The following ZBTB20 variants were observed in gnomAD, a reference collection of about 807,000 sequenced individuals.
ZBTB20 encodes zinc finger and BTB domain-containing protein 20.
ZBTB20 carries 9 observed loss-of-function variants against 56.9 expected under a neutral mutation model. The ratio of observed to expected loss-of-function variants is 0.16; its 90% confidence interval spans 0.10 to 0.28. The LOEUF (loss-of-function observed/expected upper bound fraction) is 0.28, where lower values mean the gene tolerates loss of function less well. ZBTB20 is among the 10% of genes least tolerant of loss of function. The probability of loss-of-function intolerance (pLI) is 1.00; values close to 1 mark genes in which losing one functional copy is unlikely to be tolerated. For missense variants in ZBTB20, 655 were observed against 1,003.0 expected (o/e 0.65, Z 4.69); for synonymous variants, 417 against 420.7 (o/e 0.99, Z 0.11).
intron 2 of ZBTB20, among the ~76,000 whole-genome samples, chr3:115,064,764 T>C (rs2082145910): frequency 1.3e-5 from 2 of 152,186 alleles, no homozygotes; most frequent in African/African-American, 4.8e-5. Context: ...TCTCTCTGAA[T>C]TTTAAAGCCA....
intron 2 of ZBTB20, among the ~76,000 whole-genome samples, chr3:114,989,228 G>A (rs1051782963): frequency 1.2e-4 from 18 of 152,140 alleles, no homozygotes; most frequent in African/African-American, 3.9e-4. Flanking sequence ...GATTTTTATG[G>A]TTTTAGGTCT....
intron 7 of ZBTB20, among the ~76,000 whole-genome samples, chr3:114,487,183 C>T (rs1286345066): frequency 1.3e-5 from 2 of 152,130 alleles, no homozygotes; most frequent in Non-Finnish European, 2.9e-5. Flanking sequence ...ATATGTGAAG[C>T]TTTCTAGGAG....
chr3:114,812,691 G>A (rs1489152058), intron 4 of ZBTB20, among the ~76,000 whole-genome samples: 5 of 152,212 alleles, frequency 3.3e-5, no homozygotes, highest in Non-Finnish European at 7.4e-5. Context: ...CGTCGCCGTG[G>A]GCCCGCACTC....
intron 10 of ZBTB20, among the ~76,000 whole-genome samples, chr3:114,352,496 T>C (rs1464663950): frequency 6.6e-6 from 1 of 152,218 alleles, no homozygotes. Context: ...CTAAGATATC[T>C]ACCAAACAGT....
At chr3:114,755,997 T>C (rs1057099512) in intron 5 of ZBTB20, among the ~76,000 whole-genome samples, 7 of 152,224 alleles carry the variant, frequency 4.6e-5, no homozygotes, top group Admixed American at 2.6e-4. Flanking sequence ...AGTTTTATGC[T>C]GACCTCACTT....
intron 1 of ZBTB20, among the ~76,000 whole-genome samples, chr3:115,139,816 C>T (rs2084759726): frequency 6.6e-6 from 1 of 152,040 alleles, no homozygotes; most frequent in African/African-American, 2.4e-5. Flanking sequence ...ATTAGCAATA[C>T]ACCTTCCTGA....
intron 5 of ZBTB20, among the ~76,000 whole-genome samples, chr3:114,699,319 A>T (rs1578406321): frequency 6.6e-6 from 1 of 152,130 alleles, no homozygotes; most frequent in African/African-American, 2.4e-5. Context: ...CCATTTAGTA[A>T]TGGAAGAGAA....
At chr3:114,761,110 G>A (rs955178394) in intron 5 of ZBTB20, among the ~76,000 whole-genome samples, 3 of 152,086 alleles carry the variant, frequency 2.0e-5, no homozygotes, top group African/African-American at 7.2e-5. Context: ...TAAGGCAACA[G>A]CCAGAATACT....
intron 7 of ZBTB20, among the ~76,000 whole-genome samples, chr3:114,406,795 C>T (rs1279222557): frequency 6.6e-6 from 1 of 151,972 alleles, no homozygotes; most frequent in African/African-American, 2.4e-5. Flanking sequence ...AAAAAGCAAG[C>T]TATATTGAGG....
At chr3:114,806,660 A>G (rs1344094231) in intron 4 of ZBTB20, among the ~76,000 whole-genome samples, 2 of 151,946 alleles carry the variant, frequency 1.3e-5, no homozygotes, top group African/African-American at 2.4e-5. Context: ...GATAGCTAAG[A>G]ACTTTTTCTA....
chr3:114,492,490 A>G (rs2042856435), intron 7 of ZBTB20, among the ~76,000 whole-genome samples: 1 of 152,062 alleles, frequency 6.6e-6, no homozygotes, highest in African/African-American at 2.4e-5. Context: ...CTTTTATTTC[A>G]CATAACCAAC....
chr3:114,872,794 CA>C (rs776741404), intron 4 of ZBTB20, among the ~76,000 whole-genome samples: 2 of 152,076 alleles, frequency 1.3e-5, no homozygotes, highest in East Asian at 3.8e-4. Flanking sequence ...TGGAATATTT[CA>C]AAGTCCGCCC....
chr3:114,776,143 G>C (rs1288832580), intron 5 of ZBTB20, among the ~76,000 whole-genome samples: 1 of 151,274 alleles, frequency 6.6e-6, no homozygotes, highest in Admixed American at 6.6e-5. Context: ...AAGGAGAAGG[G>C]AGAACAAGGG....
rs182365950 is a variant in ZBTB20 at position 115,027,830 on chromosome 3, T to C, written c.-507+43389A>G. On this transcript the variant is annotated intron_variant, in intron 2 of 11. Transcript: ENST00000675478. ...CAAAATTGACTCTATAAATGGAAAATTTTAACAGGCCAATAAATTTAAAAA... is the reference window on the plus strand; with the variant it reads ...CAAAATTGACTCTATAAATGGAAAACTTTAACAGGCCAATAAATTTAAAAA... Among the ~76,000 whole-genome samples the C allele has an allele frequency of 2.6e-3, 396 of 150,796 alleles. 2 individuals are homozygous for C. The highest frequency in any genetic ancestry group is 8.8e-3 in the African/African-American group (363 of 41,370).
chr3:114,757,791 A>T (rs1307871727), intron 5 of ZBTB20, among the ~76,000 whole-genome samples: 1 of 152,162 alleles, frequency 6.6e-6, no homozygotes, highest in Non-Finnish European at 1.5e-5. Flanking sequence ...CAAGGAATAG[A>T]TTAGAAGGCA....
At chr3:114,956,561 T>C (rs1007062554) in intron 3 of ZBTB20, among the ~76,000 whole-genome samples, 2 of 152,186 alleles carry the variant, frequency 1.3e-5, no homozygotes, top group African/African-American at 4.8e-5. Context: ...TCACTTCAGT[T>C]TGAAGTAGGT....
At chr3:114,619,145 T>C (rs759567750) in intron 6 of ZBTB20, among the ~76,000 whole-genome samples, 2 of 152,194 alleles carry the variant, frequency 1.3e-5, no homozygotes, top group African/African-American at 2.4e-5. Flanking sequence ...GCCAGGTTTG[T>C]ACTAATGGAG....
chr3:114,770,698 G>A (rs1343848087), intron 5 of ZBTB20, among the ~76,000 whole-genome samples: 4 of 152,130 alleles, frequency 2.6e-5, no homozygotes, highest in Non-Finnish European at 5.9e-5. Flanking sequence ...GCAGTAAAGT[G>A]TATTGTATCA....
chr3:114,714,334 C>A (rs1434807718), intron 5 of ZBTB20, among the ~76,000 whole-genome samples: 5 of 152,210 alleles, frequency 3.3e-5, no homozygotes. Context: ...AAAAGCCCAA[C>A]TCTACATTCT....
Sources: gnomAD v4.1 joint callset for allele counts (sites outside exome capture counted in the v4.1 genomes callset) on GRCh38, gnomAD v4.1.1 for gene constraint, MANE v1.5 for transcripts, NCBI Gene and HGNC (gene_info 2026-07-23, HGNC 2026-07-21) for gene names.